PDE1C: variants seen among roughly 807,000 people sequenced by gnomAD.
PDE1C encodes the protein dual specificity calcium/calmodulin-dependent 3',5'-cyclic nucleotide phosphodiesterase 1C.
Under a neutral mutation model 93.1 loss-of-function variants are expected in PDE1C, and 62 were observed. The ratio of observed to expected loss-of-function variants is 0.67; its 90% CI spans 0.54 to 0.82. The LOEUF (loss-of-function observed/expected upper bound fraction) is 0.82, where lower values mean the gene tolerates loss of function less well. PDE1C is among the 40% of genes least tolerant of loss of function. The pLI, the probability that PDE1C is intolerant of heterozygous loss-of-function variation, is 0.00. For missense variants in PDE1C, 742 were observed against 884.6 expected (o/e 0.84, Z 2.04); for synonymous variants, 325 against 310.1 (o/e 1.05, Z -0.50).
chr7:32,238,272 C>T (rs1808280488), intron 1 of PDE1C, among the ~76,000 whole-genome samples: 1 of 151,932 alleles, frequency 6.6e-6, no homozygotes, highest in Non-Finnish European at 1.5e-5. Flanking sequence ...TTATAAAGTG[C>T]CAAGGAATAA....
intron 2 of PDE1C, among the ~76,000 whole-genome samples, chr7:32,004,146 C>T (rs1440219030): frequency 1.3e-5 from 2 of 152,002 alleles, no homozygotes; most frequent in African/African-American, 4.8e-5. Flanking sequence ...CCCTGCATCC[C>T]AAGATCACTA....
the PDE1C span, chr7:31,695,724 A>C: frequency 8.2e-7 from 1 of 1,217,172 alleles, no homozygotes; most frequent in Non-Finnish European, 1.1e-6. Context: ...ATTTTAAAGT[A>C]ATTTGTGCAC....
rs550638750 is a variant in PDE1C, at chr7:32,029,002, A to G, written c.128+22552T>C. On this transcript the variant is annotated intron_variant, in intron 2 of 17. Coordinates refer to ENST00000396191, the MANE Select transcript of PDE1C (RefSeq NM_001191057.4). ...TTGCAAGCCATACATCAGATAAGGT[A>G]TTAATATCCAAAATATATAAGGAGC... Among the ~76,000 whole-genome samples, 10 of 152,284 alleles carry G rather than the reference A, an allele frequency of 6.6e-5. No homozygotes were observed. The South Asian group carries it at 1.7e-3, about 25-fold the overall frequency.
At chr7:32,106,329 C>G (rs1005416400) in intron 3 of PDE1C, among the ~76,000 whole-genome samples, 1 of 152,106 alleles carries the variant, frequency 6.6e-6, no homozygotes, top group Non-Finnish European at 1.5e-5. Context: ...TAGGTGCAAG[C>G]CACTATGCCC....
chr7:32,279,613 A>G (rs1481724303), intron 1 of PDE1C, among the ~76,000 whole-genome samples: 1 of 152,164 alleles, frequency 6.6e-6, no homozygotes, highest in Non-Finnish European at 1.5e-5. Flanking sequence ...AATTAAAAAT[A>G]AAATAAAACT....
chr7:31,911,588 T>C (rs1368195465), intron 2 of PDE1C, among the ~76,000 whole-genome samples: 1 of 152,204 alleles, frequency 6.6e-6, no homozygotes, highest in East Asian at 1.9e-4. Flanking sequence ...TCTTCACTTC[T>C]GCCCATCACA....
intron 3 of PDE1C, among the ~76,000 whole-genome samples, chr7:32,091,496 C>A (rs11772699): frequency 0.63 from 95,526 of 151,972 alleles, 30,338 homozygotes; most frequent in African/African-American, 0.71. Context: ...AGATGGGAGC[C>A]AAGCCTCAAA....
chr7:31,949,466 AAAAT>A (rs1371361813), intron 2 of PDE1C, among the ~76,000 whole-genome samples: 1 of 152,184 alleles, frequency 6.6e-6, no homozygotes, highest in East Asian at 1.9e-4. Context: ...GTCTCACAAA[AAAAT>A]AAATAAATAA....
chr7:31,906,939 C>T (rs10215364), intron 2 of PDE1C, among the ~76,000 whole-genome samples: 15,657 of 152,086 alleles, frequency 0.1, 1,012 homozygotes, highest in Admixed American at 0.21. Flanking sequence ...CACGAATGCA[C>T]GTGTGTATAT....
chr7:31,955,059 G>A (rs1807937589), intron 2 of PDE1C, among the ~76,000 whole-genome samples: 1 of 152,136 alleles, frequency 6.6e-6, no homozygotes, highest in Non-Finnish European at 1.5e-5. Context: ...TTTTATATAT[G>A]TCTCTCTCTT....
At chr7:32,019,944 G>T (rs562299983) in intron 2 of PDE1C, among the ~76,000 whole-genome samples, 1 of 152,250 alleles carries the variant, frequency 6.6e-6, no homozygotes, top group African/African-American at 2.4e-5. Context: ...TCAGGGAAAA[G>T]AGCAAGCTGG....
intron 1 of PDE1C, among the ~76,000 whole-genome samples, chr7:32,362,068 T>C (rs1358601211): frequency 1.3e-5 from 2 of 152,128 alleles, no homozygotes; most frequent in Non-Finnish European, 2.9e-5. Context: ...GGCCGGAATG[T>C]GGCAGGAGCA....
intron 1 of PDE1C, among the ~76,000 whole-genome samples, chr7:32,061,299 C>T (rs1014355907): frequency 9.9e-5 from 15 of 152,134 alleles, no homozygotes; most frequent in African/African-American, 3.4e-4. Context: ...GCAATGGGTC[C>T]TTGGATTTGG....
At chr7:32,176,290 T>TG (rs1802982500) in intron 2 of PDE1C, among the ~76,000 whole-genome samples, 4 of 151,702 alleles carry the variant, frequency 2.6e-5, no homozygotes, top group Admixed American at 6.6e-5. Flanking sequence ...CCATTATAAG[T>TG]GAAAAAAAAA....
intron 7 of PDE1C, among the ~76,000 whole-genome samples, chr7:31,853,438 ATG>A (rs1695824054): frequency 6.6e-6 from 1 of 152,174 alleles, no homozygotes; most frequent in South Asian, 2.1e-4. Context: ...TTTCAGAAGA[ATG>A]AACTAAATGA....
chr7:32,270,331 G>C (rs1457402844), intron 1 of PDE1C, among the ~76,000 whole-genome samples: 1 of 150,560 alleles, frequency 6.6e-6, no homozygotes, highest in East Asian at 1.9e-4. Flanking sequence ...AGTAGCACTG[G>C]GTGATATAAA....
chr7:32,104,470 C>T (rs1410172845), intron 3 of PDE1C, among the ~76,000 whole-genome samples: 2 of 152,138 alleles, frequency 1.3e-5, no homozygotes, highest in Non-Finnish European at 2.9e-5. Flanking sequence ...TGCAAGTTTT[C>T]GAAAAAGAAA....
the PDE1C span, among the ~76,000 whole-genome samples, chr7:31,726,681 T>C: frequency 1.3e-5 from 2 of 152,200 alleles, no homozygotes; most frequent in Non-Finnish European, 1.5e-5. Flanking sequence ...TGAGTGACTG[T>C]TGTTTCTCTA....
At chr7:31,716,246 T>C in the PDE1C span, among the ~76,000 whole-genome samples, 1 of 152,140 alleles carries the variant, frequency 6.6e-6, no homozygotes, top group African/African-American at 2.4e-5. Flanking sequence ...TTCCTACCCA[T>C]CACCTTCCAC....
Sources: allele counts gnomAD v4.1 joint callset (sites outside exome capture counted in the v4.1 genomes callset), GRCh38; gene constraint gnomAD v4.1.1; transcripts MANE v1.5; gene names NCBI Gene and HGNC (gene_info 2026-07-23, HGNC 2026-07-21).